The following PPP4R3B variants were observed in gnomAD, a reference collection of about 807,000 sequenced individuals.
PPP4R3B encodes the protein protein phosphatase 4 regulatory subunit 3B, also known as serine/threonine-protein phosphatase 4 regulatory subunit 3B.
In PPP4R3B, 52 loss-of-function variants were observed where a neutral mutation model predicts 95.4. That is an observed-to-expected ratio of 0.54 (90% CI 0.44 to 0.69). The LOEUF (loss-of-function observed/expected upper bound fraction) is 0.69, where lower values mean the gene tolerates loss of function less well. Ranked by LOEUF, PPP4R3B falls within the 30% of genes least tolerant of loss-of-function variation. The probability of loss-of-function intolerance (pLI) is 0.00; values close to 1 mark genes in which losing one functional copy is unlikely to be tolerated. For synonymous variants in PPP4R3B, 407 were observed against 343.9 expected, an observed-to-expected ratio of 1.18 and a Z score of -2.03; for missense variants, 1,003 against 1,005.9, an observed-to-expected ratio of 1.00 and a Z score of 0.04.
rs746320392 is a variant in PPP4R3B at position 55,579,730 on chromosome 2, C to T, written c.1417G>A (p.Val473Ile). ...LNFFYNHCMHVLTAPLLTNTS... is the reference protein window; with the variant it reads ...LNFFYNHCMHILTAPLLTNTS... ...TTGGTCAAAAGTGGTGCTGTGAGAA[C>T]ATGCATACAATGGTTGTAGAAAAAA... The change falls in exon 9 of 17, where the codon GTT (valine) becomes ATT (isoleucine). Residue 473 changes from valine (V) to isoleucine (I), a missense_variant. By Grantham distance (29) the Val-to-Ile change is conservative. Around this residue, in one of 3 missense-constraint regions of PPP4R3B, gnomAD observed 695 missense variants for 686.2 expected, o/e 1.01. Coordinates refer to ENST00000616407, the MANE Select transcript of PPP4R3B (RefSeq NM_001122964.3). 6.2e-7 allele frequency: 1 copy of T among 1,607,702 alleles called. No individual in the cohort carries two copies. Among genetic ancestry groups the T allele is most frequent in the Non-Finnish European group, 8.5e-7 (1 of 1,177,024 alleles).
chr2:55,568,981 T>A (rs975306578), intron 12 of PPP4R3B, among the ~76,000 whole-genome samples: 1 of 152,184 alleles, frequency 6.6e-6, no homozygotes, highest in Admixed American at 6.5e-5. Context: ...TAATAAAATA[T>A]ATAAAATAAG....
At chr2:55,576,468 C>T (rs575816162) in intron 11 of PPP4R3B, among the ~76,000 whole-genome samples, 13 of 151,104 alleles carry the variant, frequency 8.6e-5, no homozygotes, top group Admixed American at 5.9e-4. Context: ...ACAGGCCGGG[C>T]GCGGTGGCTC....
chr2:55,614,663 G>C (rs756794606), intron 2 of PPP4R3B: 1 of 152,132 alleles, frequency 6.6e-6, no homozygotes, highest in East Asian at 1.9e-4. Context: ...TAAACAACGG[G>C]ATGGATACAA....
At chr2:55,591,896 C>T (rs1691084024) in intron 4 of PPP4R3B, among the ~76,000 whole-genome samples, 1 of 152,146 alleles carries the variant, frequency 6.6e-6, no homozygotes, top group Non-Finnish European at 1.5e-5. Flanking sequence ...GAAATACTTA[C>T]TCCAAAATCT....
Position 55,598,493 on chromosome 2 carries a change from C to T in PPP4R3B, c.844G>A (p.Val282Ile). The T allele has an allele frequency of 1.2e-6, 2 of 1,614,100 alleles. No homozygotes were observed. The highest frequency in any genetic ancestry group is 8.5e-7 in the Non-Finnish European group (1 of 1,180,018). Reference sequence around the variant, plus strand: ...GTAGAAAGAAAATTCTCTTCAAAAACAGATGGTGTGGGCAAAATGATGTCC... The same window carrying T: ...GTAGAAAGAAAATTCTCTTCAAAAATAGATGGTGTGGGCAAAATGATGTCC... ...IQDIILPTPSVFEENFLSTLT... is the reference protein window; with the variant it reads ...IQDIILPTPSIFEENFLSTLT... Residue 282 changes from valine to isoleucine, a missense_variant, in exon 4 of 17, where the codon GTT becomes ATT. Coordinates refer to ENST00000616407, the MANE Select transcript of PPP4R3B (RefSeq NM_001122964.3).
chr2:55,616,345 A>G (rs1694921738), intron 1 of PPP4R3B, among the ~76,000 whole-genome samples: 1 of 152,240 alleles, frequency 6.6e-6, no homozygotes, highest in Admixed American at 6.5e-5. Flanking sequence ...AACAAGCAAG[A>G]ATACAAAATA....
At chr2:55,597,127 TG>T (rs2103633050) in intron 4 of PPP4R3B, among the ~76,000 whole-genome samples, 1 of 152,148 alleles carries the variant, frequency 6.6e-6, no homozygotes, top group African/African-American at 2.4e-5. Context: ...GTTCTGGAAA[TG>T]GATAGTGGTA....
chr2:55,548,559 C>CA lies in PPP4R3B; in HGVS notation c.*1351dup, dbSNP rs1379223726. On this transcript the variant is annotated 3_prime_UTR_variant, in exon 17 of 17. Coordinates refer to ENST00000616407, the MANE Select transcript of PPP4R3B (RefSeq NM_001122964.3). ...CAGCTCATCTTTTCCAAACAATAGC[C>CA]AAAATTAAAATTAACTACAAAATCT... 6.6e-6 allele frequency: 1 copy of CA among 152,500 alleles called. No homozygotes were observed. Among genetic ancestry groups the CA allele is most frequent in the African/African-American group, 2.4e-5 (1 of 41,396 alleles). 9.4% of individuals were successfully genotyped at this position (152,500 alleles called of 1,614,324 possible).
In PPP4R3B at chr2:55,585,064, T is replaced by C. The variant is rs1689967527; in HGVS notation, c.1220A>G (p.Gln407Arg). Reference sequence around the variant, plus strand: ...ATTATTACTTACGTCATCACTCTGCTGAGCTTCTTGCATTACAAACTCTCG... The same window carrying C: ...ATTATTACTTACGTCATCACTCTGCCGAGCTTCTTGCATTACAAACTCTCG... ...MVREFVMQEAQQSDDDILLIN... is the reference protein window; with the variant it reads ...MVREFVMQEARQSDDDILLIN... The change falls in exon 7 of 17, where the codon CAG (glutamine) becomes CGG (arginine). Residue 407 changes from glutamine (Q) to arginine (R), a missense_variant. Transcript: ENST00000616407. The C allele has an allele frequency of 1.2e-6, 2 of 1,609,926 alleles. No individual in the cohort carries two copies. The highest frequency in any genetic ancestry group is 1.7e-6 in the Non-Finnish European group (2 of 1,177,500).
intron 16 of PPP4R3B, among the ~76,000 whole-genome samples, chr2:55,558,405 C>T (rs766024459): frequency 5.9e-5 from 9 of 152,136 alleles, no homozygotes; most frequent in Non-Finnish European, 8.8e-5. Context: ...GTCAAGAGAT[C>T]GAGACCATCC....
rs549320492 is a variant in PPP4R3B at position 55,557,938 on chromosome 2, CT to C, written c.2454+836del. Reference sequence around the variant, plus strand: ...TAAGAACAACAGAAAGTCTAATATCCTTAACTAAAGATTCATCGACAATAAT... The same window carrying C: ...TAAGAACAACAGAAAGTCTAATATCCTAACTAAAGATTCATCGACAATAAT... On this transcript the variant is annotated intron_variant, in intron 16 of 16. Coordinates refer to ENST00000616407, the MANE Select transcript of PPP4R3B (RefSeq NM_001122964.3). Among the ~76,000 whole-genome samples the C allele has an allele frequency of 3.7e-3, 560 of 152,184 alleles. 5 individuals carry two copies. Among genetic ancestry groups the C allele is most frequent in the African/African-American group, 8.2e-3 (339 of 41,502 alleles).
intron 4 of PPP4R3B, among the ~76,000 whole-genome samples, chr2:55,595,251 T>G (rs967215690): frequency 1.3e-5 from 2 of 150,796 alleles, no homozygotes; most frequent in African/African-American, 2.4e-5. Flanking sequence ...CTCAAACTCC[T>G]GACCACAAGT....
intron 16 of PPP4R3B, among the ~76,000 whole-genome samples, chr2:55,553,271 CTA>C (rs1685452625): frequency 6.6e-6 from 1 of 152,106 alleles, no homozygotes; most frequent in Non-Finnish European, 1.5e-5. Flanking sequence ...ATAAGCTTTG[CTA>C]TGTAGGCACT....
Position 55,615,857 on chromosome 2 carries a change from C to CAAAA in PPP4R3B, c.143-355_143-352dup, listed in dbSNP as rs58981030. On this transcript the variant is annotated intron_variant, in intron 1 of 16. Coordinates refer to ENST00000616407, the MANE Select transcript of PPP4R3B (RefSeq NM_001122964.3). Reference sequence around the variant, plus strand: ...TGGCAACAGAGCAAGACTCTGTCTCCAAAAAAAAAAAAAAAAAAAAAAAAA... The same window carrying CAAAA: ...TGGCAACAGAGCAAGACTCTGTCTCCAAAAAAAAAAAAAAAAAAAAAAAAAAAAA... 1.8e-3 allele frequency among the ~76,000 whole-genome samples: 72 copies of CAAAA among 39,070 alleles called. 7 individuals are homozygous for CAAAA. The highest frequency in any genetic ancestry group is 6.2e-3 in the East Asian group (6 of 974). 25.6% of individuals were successfully genotyped at this position (39,070 alleles called of 152,430 possible).
At chr2:55,562,396 T>C (rs1379991864) in intron 15 of PPP4R3B, among the ~76,000 whole-genome samples, 2 of 152,288 alleles carry the variant, frequency 1.3e-5, no homozygotes, top group African/African-American at 4.8e-5. Context: ...CACTCCAGCC[T>C]GGGCAATGAG....
At position 55,598,769 on chromosome 2, in the gene PPP4R3B, C is replaced by A. The variant is rs961132824; in HGVS notation, c.568G>T (p.Gly190Cys). 1 of 1,614,186 alleles carries A rather than the reference C, an allele frequency of 6.2e-7. No homozygotes were observed. Among genetic ancestry groups the A allele is most frequent in the Non-Finnish European group, 8.5e-7 (1 of 1,180,030 alleles). ...QACENLENTE[G>C]LHHLYEIIRG... Reference sequence around the variant, plus strand: ...ATAATTTCATACAAATGGTGTAAGCCTTCAGTGTTTTCTAGGTTCTCGCAA... The same window carrying A: ...ATAATTTCATACAAATGGTGTAAGCATTCAGTGTTTTCTAGGTTCTCGCAA... The change falls in exon 4 of 17, where the codon GGC becomes TGC. Residue 190 changes from glycine to cysteine, a missense_variant. Gly to Cys is a radical substitution (Grantham distance 159, BLOSUM62 -3). Transcript: ENST00000616407.
At chr2:55,567,454 T>A (rs1687458062) in intron 13 of PPP4R3B, among the ~76,000 whole-genome samples, 1 of 152,152 alleles carries the variant, frequency 6.6e-6, no homozygotes, top group Non-Finnish European at 1.5e-5. Context: ...TCTTGCTCTG[T>A]CACCCAGGCT....
intron 3 of PPP4R3B, among the ~76,000 whole-genome samples, chr2:55,603,395 A>C (rs2103747526): frequency 6.6e-6 from 1 of 152,356 alleles, no homozygotes; most frequent in South Asian, 2.1e-4. Context: ...ATGTTCTAGC[A>C]GATATGTAAA....
rs899689153 is a variant in PPP4R3B, at chr2:55,593,392, T to C, written c.922-4436A>G. Reference sequence around the variant, plus strand: ...TTAACCTAATTTAAGCTAGGATTTATGATAAGGACCTTCGTACTACCTCAC... The same window carrying C: ...TTAACCTAATTTAAGCTAGGATTTACGATAAGGACCTTCGTACTACCTCAC... On this transcript the variant is annotated intron_variant, in intron 4 of 16. Transcript: ENST00000616407. Among the ~76,000 whole-genome samples, 41 of 152,184 alleles carry C rather than the reference T, an allele frequency of 2.7e-4. 2 individuals carry two copies. The highest frequency in any genetic ancestry group is 4.4e-5 in the Non-Finnish European group (3 of 68,034).
Sources: gnomAD v4.1 joint callset for allele counts (sites outside exome capture counted in the v4.1 genomes callset) on GRCh38, gnomAD v4.1.1 for gene constraint, gnomAD v4.1.1 regional missense constraint, MANE v1.5 for transcripts, NCBI Gene and HGNC (gene_info 2026-07-23, HGNC 2026-07-21) for gene names.